The following ESYT2 variants were observed in gnomAD, a reference collection of about 807,000 sequenced individuals.
ESYT2 encodes the protein extended synaptotagmin-2.
A neutral mutation model predicts 107.2 loss-of-function variants in ESYT2; 54 were observed. That is an observed-to-expected ratio of 0.50 (90% CI 0.40 to 0.63). The LOEUF (loss-of-function observed/expected upper bound fraction) is 0.63, where lower values mean the gene tolerates loss of function less well. ESYT2 is among the 30% of genes least tolerant of loss of function. The pLI is 0.00. For synonymous variants in ESYT2, 491 were observed against 434.1 expected (o/e 1.13, Z -1.63); for missense variants, 1,020 against 1,094.5 (o/e 0.93, Z 0.96).
intron 20 of ESYT2, among the ~76,000 whole-genome samples, chr7:158,735,929 G>A (rs973847417): frequency 6.6e-6 from 1 of 152,194 alleles, no homozygotes; most frequent in South Asian, 2.1e-4. Flanking sequence ...GTGGGATAAT[G>A]TTGACAAAAC....
Position 158,741,573 on chromosome 7 carries a change from C to A in ESYT2, c.2118G>T (p.Ser706=). The A allele has an allele frequency of 1.2e-6, 2 of 1,606,132 alleles. No individual in the cohort carries two copies. The highest frequency in any genetic ancestry group is 1.7e-6 in the Non-Finnish European group (2 of 1,179,026). The change falls in exon 18 of 23, where the codon TCG becomes TCT. Residue 706 remains serine (S), a synonymous_variant. Transcript: ENST00000275418. The part of the protein sequence containing the change: ...EPTPSIASDI[S]LPIATQELRQ... The stretch of plus-strand genomic sequence containing the variant: ...GCAGCTCCTGGGTGGCGATGGGCAG[C>A]GAGATGTCCGAGGCGATGCTGGGGG...
intron 19 of ESYT2, among the ~76,000 whole-genome samples, chr7:158,738,378 C>A (rs1837057738): frequency 7.0e-6 from 1 of 142,094 alleles, no homozygotes; most frequent in Non-Finnish European, 1.5e-5. Flanking sequence ...CACACACACA[C>A]TCTTCCTGCT....
At chr7:158,824,278 C>A (rs1222268507) in intron 1 of ESYT2, among the ~76,000 whole-genome samples, 1 of 152,202 alleles carries the variant, frequency 6.6e-6, no homozygotes, top group African/African-American at 2.4e-5. Context: ...TCCTCAACCA[C>A]ATGACCACTC....
At chr7:158,764,089 TG>T (rs1838069789) in intron 9 of ESYT2, among the ~76,000 whole-genome samples, 1 of 152,200 alleles carries the variant, frequency 6.6e-6, no homozygotes, top group African/African-American at 2.4e-5. Flanking sequence ...TTTAAAAATG[TG>T]TAACTTTTGA....
intron 12 of ESYT2, 108 bp downstream of exon 12, chr7:158,759,950 A>T: frequency 1.1e-6 from 1 of 912,736 alleles, no homozygotes. Context: ...AATGAAAATT[A>T]CTGCTATAAT....
intron 16 of ESYT2, chr7:158,743,943 G>A (rs573535870): frequency 8.6e-5 from 26 of 302,672 alleles, no homozygotes; most frequent in Admixed American, 5.7e-4. Flanking sequence ...GCATGGTGGC[G>A]CGCACCTGTA....
rs777060478 is a variant in ESYT2, at chr7:158,741,601, G to A, written c.2090C>T (p.Pro697Leu). The change falls in exon 18 of 23, where the codon CCG becomes CTG. Residue 697 changes from proline to leucine, a missense_variant. Physicochemically the swap from Pro to Leu is moderately conservative, Grantham distance 98. Coordinates refer to ENST00000275418, the MANE Select transcript of ESYT2 (RefSeq NM_001367773.1). ...GATGTCCGAGGCGATGCTGGGGGTC[G>A]GCTCCTTGACTGAGATGTGGCCTGG... ...ASPGHISVKE[P>L]TPSIASDISL... 6.8e-6 allele frequency: 11 copies of A among 1,612,052 alleles called. No homozygotes were observed. The highest frequency in any genetic ancestry group is 4.4e-5 in the South Asian group (4 of 91,060).
intron 8 of ESYT2, among the ~76,000 whole-genome samples, chr7:158,765,719 G>C (rs1838134624): frequency 6.6e-6 from 1 of 152,052 alleles, no homozygotes; most frequent in African/African-American, 2.4e-5. Context: ...CTGAGCGACA[G>C]AGCAAGACCC....
intron 6 of ESYT2, among the ~76,000 whole-genome samples, chr7:158,777,396 C>T (rs570684910): frequency 1.1e-4 from 17 of 152,224 alleles, no homozygotes; most frequent in Non-Finnish European, 2.4e-4. Flanking sequence ...AATCTCATGT[C>T]GAACTGTAAT....
intron 6 of ESYT2, among the ~76,000 whole-genome samples, chr7:158,776,040 G>C (rs1160765353): frequency 1.3e-5 from 2 of 152,218 alleles, no homozygotes; most frequent in Non-Finnish European, 2.9e-5. Flanking sequence ...TGGGTGACCA[G>C]GTGCACTGCT....
At chr7:158,774,632 T>C (rs7805082) in intron 6 of ESYT2, among the ~76,000 whole-genome samples, 19,411 of 152,160 alleles carry the variant, frequency 0.13, 1,397 homozygotes, top group African/African-American at 0.2. Context: ...ATTCTGGTCA[T>C]ACAAAAATAC....
chr7:158,757,585 C>T (rs1170604585), intron 13 of ESYT2, among the ~76,000 whole-genome samples: 2 of 151,970 alleles, frequency 1.3e-5, no homozygotes, highest in Non-Finnish European at 2.9e-5. Context: ...TCCCAGAGCT[C>T]GCGGGACGCC....
At chr7:158,766,066 G>A (rs563599327) in intron 8 of ESYT2, among the ~76,000 whole-genome samples, 5 of 152,086 alleles carry the variant, frequency 3.3e-5, no homozygotes, top group East Asian at 3.9e-4. Context: ...GTGTGGTGGC[G>A]GCTGAGGTGG....
chr7:158,807,313 T>C (rs916109852), intron 1 of ESYT2, among the ~76,000 whole-genome samples: 7 of 149,716 alleles, frequency 4.7e-5, no homozygotes, highest in Non-Finnish European at 1.5e-5. Context: ...TCTATCTACA[T>C]GGATTCAGAA....
At chr7:158,813,713 A>G (rs979661701) in intron 1 of ESYT2, among the ~76,000 whole-genome samples, 7 of 152,236 alleles carry the variant, frequency 4.6e-5, no homozygotes, top group Non-Finnish European at 8.8e-5. Flanking sequence ...GAAGGAAACA[A>G]AGACCAAGGG....
intron 3 of ESYT2, among the ~76,000 whole-genome samples, chr7:158,797,536 G>A (rs2602554): frequency 0.78 from 118,475 of 151,576 alleles, 47,683 homozygotes; most frequent in Non-Finnish European, 0.89. Flanking sequence ...GTGAGGCCCC[G>A]TCTGAAAAAA....
At chr7:158,815,919 C>G (rs893641713) in intron 1 of ESYT2, among the ~76,000 whole-genome samples, 4 of 152,168 alleles carry the variant, frequency 2.6e-5, no homozygotes, top group African/African-American at 9.7e-5. Context: ...AGTGCTGGAA[C>G]TAAGCCTTCC....
chr7:158,796,145 GCTGTGTGTGCAACAACGTGTGCAGA>G (rs1265693390), intron 3 of ESYT2, among the ~76,000 whole-genome samples: 1 of 152,224 alleles, frequency 6.6e-6, no homozygotes, highest in Non-Finnish European at 1.5e-5. Context: ...TGCTGACTCT[GCTGTGTGTGCAACAACGTGTGCAGA>G]CTGTGTGTGT....
chr7:158,750,182 G>C (rs1462481574), intron 14 of ESYT2, among the ~76,000 whole-genome samples: 1 of 152,024 alleles, frequency 6.6e-6, no homozygotes, highest in Non-Finnish European at 1.5e-5. Flanking sequence ...TCTCAACTTA[G>C]CGTCTTCTGT....
Sources: gnomAD v4.1 joint callset for allele counts (sites outside exome capture counted in the v4.1 genomes callset) on GRCh38, gnomAD v4.1.1 for gene constraint, MANE v1.5 for transcripts, NCBI Gene and HGNC (gene_info 2026-07-23, HGNC 2026-07-21) for gene names.